STPG2: variants seen among roughly 807,000 people sequenced by gnomAD.
STPG2 encodes the protein sperm tail PG-rich repeat containing 2, also known as sperm-tail PG-rich repeat-containing protein 2.
In STPG2, 56 loss-of-function variants were observed where a neutral mutation model predicts 54.2. That is an observed-to-expected ratio of 1.03 (90% CI 0.83 to 1.29). The LOEUF (loss-of-function observed/expected upper bound fraction) is 1.29. Among genes scored for constraint, STPG2 ranks in the 50% most tolerant of loss-of-function variants. The pLI, the probability that STPG2 is intolerant of heterozygous loss-of-function variation, is 0.00. For synonymous variants in STPG2, 200 were observed against 181.8 expected (o/e 1.10, Z -0.81); for missense variants, 596 against 544.9 (o/e 1.09, Z -0.93).
At chr4:97,540,287 G>C (rs1731661512) in intron 4 of STPG2, among the ~76,000 whole-genome samples, 1 of 152,080 alleles carries the variant, frequency 6.6e-6, no homozygotes, top group Non-Finnish European at 1.5e-5. Flanking sequence ...TAATGATAAA[G>C]GGGATATCAC....
chr4:98,003,995 C>CGT (rs922564789), intron 5 of STPG2, among the ~76,000 whole-genome samples: 1 of 150,702 alleles, frequency 6.6e-6, no homozygotes. Flanking sequence ...CACATAACTA[C>CGT]GTGTGTGTGT....
chr4:97,969,716 GA>G (rs906097187), intron 7 of STPG2, among the ~76,000 whole-genome samples: 1 of 152,120 alleles, frequency 6.6e-6, no homozygotes, highest in Non-Finnish European at 1.5e-5. Flanking sequence ...TACTGAATGG[GA>G]AAAAACTGGA....
chr4:97,670,276 A>C (rs1002427219), intron 10 of STPG2, among the ~76,000 whole-genome samples: 2 of 152,172 alleles, frequency 1.3e-5, no homozygotes, highest in Non-Finnish European at 2.9e-5. Flanking sequence ...ATTATCTAAT[A>C]AGTGATTATA....
chr4:97,786,166 C>A (rs1397842662), intron 9 of STPG2, among the ~76,000 whole-genome samples: 4 of 150,928 alleles, frequency 2.7e-5, no homozygotes, highest in Admixed American at 2.0e-4. Context: ...GCCAATCACC[C>A]TTTCCCTGCC....
chr4:97,643,060 T>C (rs1293101707), intron 10 of STPG2, among the ~76,000 whole-genome samples: 4 of 151,588 alleles, frequency 2.6e-5, no homozygotes, highest in African/African-American at 9.7e-5. Context: ...TTGGAATAAT[T>C]ATATATTTTT....
intron 8 of STPG2, among the ~76,000 whole-genome samples, chr4:97,886,697 T>C (rs2149170421): frequency 6.6e-6 from 1 of 152,348 alleles, no homozygotes; most frequent in African/African-American, 2.4e-5. Flanking sequence ...GTAATTACTT[T>C]CCTTCTCTTT....
downstream of STPG2, among the ~76,000 whole-genome samples, chr4:97,556,601 C>T (rs1201784063): frequency 6.6e-6 from 1 of 152,056 alleles, no homozygotes; most frequent in Non-Finnish European, 1.5e-5. Context: ...TTATTCTGTT[C>T]TCTCAACAAA....
At chr4:98,031,398 G>T (rs1226873166) in intron 5 of STPG2, among the ~76,000 whole-genome samples, 1 of 152,084 alleles carries the variant, frequency 6.6e-6, no homozygotes, top group East Asian at 1.9e-4. Flanking sequence ...AAGTAAATGG[G>T]CCAGGCATGG....
chr4:98,066,504 G>A (rs1000647694), intron 5 of STPG2, among the ~76,000 whole-genome samples: 21 of 152,232 alleles, frequency 1.4e-4, no homozygotes, highest in Middle Eastern at 3.4e-3. Flanking sequence ...CAGGAGAATC[G>A]CTTGAACCTG....
intron 7 of STPG2, among the ~76,000 whole-genome samples, chr4:97,955,032 T>C (rs1733621143): frequency 6.6e-6 from 1 of 152,058 alleles, no homozygotes; most frequent in Non-Finnish European, 1.5e-5. Flanking sequence ...AAATGAATTA[T>C]TTAAGAAAGA....
At chr4:97,661,833 C>T (rs566780499) in intron 10 of STPG2, among the ~76,000 whole-genome samples, 2 of 152,138 alleles carry the variant, frequency 1.3e-5, no homozygotes, top group Non-Finnish European at 2.9e-5. Flanking sequence ...CTATCAAGAA[C>T]AAGTATTAGT....
intron 4 of STPG2, among the ~76,000 whole-genome samples, chr4:97,477,546 G>A (rs1197449354): frequency 7.6e-4 from 111 of 145,170 alleles, no homozygotes; most frequent in African/African-American, 2.6e-3. Context: ...GCACGATCTC[G>A]GCTCACTGCA....
chr4:98,084,596 T>G (rs1738450530), intron 5 of STPG2, among the ~76,000 whole-genome samples: 1 of 152,206 alleles, frequency 6.6e-6, no homozygotes, highest in Non-Finnish European at 1.5e-5. Context: ...AGAGTTCTAG[T>G]TGCTACATAT....
chr4:97,971,362 T>C (rs573688523), intron 7 of STPG2, among the ~76,000 whole-genome samples: 2 of 152,320 alleles, frequency 1.3e-5, no homozygotes, highest in Admixed American at 6.5e-5. Flanking sequence ...CATATGTTTA[T>C]TGCAGCACTA....
At chr4:97,611,272 A>C (rs1041045756) in intron 10 of STPG2, among the ~76,000 whole-genome samples, 1 of 151,686 alleles carries the variant, frequency 6.6e-6, no homozygotes, top group Non-Finnish European at 1.5e-5. Context: ...CCCTAACCTC[A>C]TGGAAATTGC....
In STPG2 at chr4:98,056,394, C is replaced by T. The variant is rs142648345; in HGVS notation, c.612+49559G>A. Among the ~76,000 whole-genome samples the T allele has an allele frequency of 4.6e-3, 695 of 152,270 alleles. 3 individuals are homozygous for T. Among genetic ancestry groups the T allele is most frequent in the South Asian group, 0.025 (119 of 4,828 alleles). On this transcript the variant is annotated intron_variant, in intron 5 of 10. Coordinates refer to ENST00000295268, the MANE Select transcript of STPG2 (RefSeq NM_174952.3). ...CCTCCACCACTGTGGTGAATGCCCACGAGGAAGAAGGAACTCCTGCATCAG... is the reference window on the plus strand; with the variant it reads ...CCTCCACCACTGTGGTGAATGCCCATGAGGAAGAAGGAACTCCTGCATCAG...
At chr4:97,649,821 A>G (rs1722014544) in intron 10 of STPG2, among the ~76,000 whole-genome samples, 2 of 152,084 alleles carry the variant, frequency 1.3e-5, no homozygotes, top group African/African-American at 2.4e-5. Context: ...TCCACAGACC[A>G]GGGGGGACGG....
At chr4:97,734,369 G>A (rs1724902547) in intron 9 of STPG2, among the ~76,000 whole-genome samples, 1 of 152,040 alleles carries the variant, frequency 6.6e-6, no homozygotes, top group African/African-American at 2.4e-5. Context: ...TGTCACTCAG[G>A]TATTAAGCCA....
intron 4 of STPG2, among the ~76,000 whole-genome samples, chr4:97,482,347 T>C (rs796563476): frequency 6.6e-6 from 1 of 151,386 alleles, no homozygotes; most frequent in African/African-American, 2.4e-5. Context: ...GTCAAAGAAA[T>C]AGATAGCATA....
Sources: gnomAD v4.1 joint callset for allele counts (sites outside exome capture counted in the v4.1 genomes callset) on GRCh38, gnomAD v4.1.1 for gene constraint, MANE v1.5 for transcripts, NCBI Gene and HGNC (gene_info 2026-07-23, HGNC 2026-07-21) for gene names.